HPSE2: variants seen among roughly 807,000 people sequenced by gnomAD.
HPSE2 encodes heparanase 2 (inactive).
Under a neutral mutation model 60.5 loss-of-function variants are expected in HPSE2, and 38 were observed. The ratio of observed to expected loss-of-function variants is 0.63; its 90% CI spans 0.48 to 0.82. The LOEUF is 0.82. Ranked by LOEUF, HPSE2 falls within the 40% of genes least tolerant of loss-of-function variation. The pLI, the probability that HPSE2 is intolerant of heterozygous loss-of-function variation, is 0.00. For synonymous variants in HPSE2, 295 were observed against 293.2 expected, an observed-to-expected ratio of 1.01 and a Z score of -0.06; for missense variants, 713 against 740.4, an observed-to-expected ratio of 0.96 and a Z score of 0.43.
chr10:99,132,207 G>GAAAGAAAGAAAGGA (rs1564832958), intron 3 of HPSE2, among the ~76,000 whole-genome samples: 1 of 16,650 alleles, frequency 6.0e-5, no homozygotes, highest in Admixed American at 8.5e-4. Flanking sequence ...GAGAGAGAGA[G>GAAAGAAAGAAAGGA]AGAGAGAGAG....
rs547872092 is a variant in HPSE2, at chr10:99,115,247, G to A, written c.610+28991C>T. Among the ~76,000 whole-genome samples the A allele has an allele frequency of 1.1e-4, 16 of 149,654 alleles. No homozygotes were observed. In the South Asian group the frequency reaches 1.3e-3, roughly 12 times the overall value. On this transcript the variant is annotated intron_variant, in intron 3 of 11. Coordinates refer to ENST00000370552, the MANE Select transcript of HPSE2 (RefSeq NM_021828.5). ...GGCTCACTGCAAGCTCTTGCTTCCC[G>A]GGTTCACCCCATTCTCCTGCCTCAG...
chr10:98,942,747 C>G (rs1415643742), intron 3 of HPSE2, among the ~76,000 whole-genome samples: 1 of 151,998 alleles, frequency 6.6e-6, no homozygotes, highest in Non-Finnish European at 1.5e-5. Context: ...ACCCAAAGGA[C>G]TATAAATCAT....
intron 3 of HPSE2, among the ~76,000 whole-genome samples, chr10:98,967,680 GA>G (rs576471164): frequency 2.1e-4 from 31 of 150,496 alleles, no homozygotes; most frequent in South Asian, 1.1e-3. Flanking sequence ...GCTTAGTTTG[GA>G]AAAAAAAATA....
intron 4 of HPSE2, among the ~76,000 whole-genome samples, chr10:98,733,569 T>A (rs17110762): frequency 6.6e-6 from 1 of 152,214 alleles, no homozygotes; most frequent in South Asian, 2.1e-4. Flanking sequence ...TGGTACTTAC[T>A]GCTGCCTTTA....
At chr10:98,463,726 G>A (rs547512604) in intron 11 of HPSE2, among the ~76,000 whole-genome samples, 2 of 152,158 alleles carry the variant, frequency 1.3e-5, no homozygotes, top group African/African-American at 4.8e-5. Context: ...GATTGCTTGA[G>A]CCCAGGACAT....
At chr10:99,049,563 G>A (rs1464227599) in intron 3 of HPSE2, among the ~76,000 whole-genome samples, 1 of 151,876 alleles carries the variant, frequency 6.6e-6, no homozygotes, top group Admixed American at 6.6e-5. Flanking sequence ...ATAATTAAAG[G>A]CTAGCTTCTA....
intron 3 of HPSE2, among the ~76,000 whole-genome samples, chr10:98,801,441 T>C (rs1391678315): frequency 6.6e-6 from 1 of 152,108 alleles, no homozygotes; most frequent in Admixed American, 6.5e-5. Context: ...GATTATATGA[T>C]CTTACATTTG....
intron 9 of HPSE2, among the ~76,000 whole-genome samples, chr10:98,603,688 A>G (rs1316679900): frequency 6.6e-6 from 1 of 152,100 alleles, no homozygotes; most frequent in Non-Finnish European, 1.5e-5. Flanking sequence ...TTGGCCTCCC[A>G]AAGTGCTGGG....
chr10:99,037,734 TTAATTCAATAA>T (rs964832972), intron 3 of HPSE2, among the ~76,000 whole-genome samples: 6 of 151,952 alleles, frequency 3.9e-5, no homozygotes, highest in Non-Finnish European at 7.4e-5. Context: ...AGGGAAATGA[TTAATTCAATAA>T]TACCTTGCCT....
intron 3 of HPSE2, among the ~76,000 whole-genome samples, chr10:98,824,072 ACT>A (rs1951485499): frequency 6.6e-6 from 1 of 152,222 alleles, no homozygotes. Flanking sequence ...CTTTAAAATA[ACT>A]CACAGGTCAA....
At chr10:98,948,536 A>G (rs1029022935) in intron 3 of HPSE2, among the ~76,000 whole-genome samples, 1 of 152,184 alleles carries the variant, frequency 6.6e-6, no homozygotes, top group Non-Finnish European at 1.5e-5. Flanking sequence ...TTCCTTTACA[A>G]CATGGATCCT....
chr10:98,635,497 G>A (rs553947530), intron 7 of HPSE2, among the ~76,000 whole-genome samples: 4 of 152,286 alleles, frequency 2.6e-5, no homozygotes, highest in South Asian at 2.1e-4. Context: ...ACAGATGAAC[G>A]GAGCCAGGTG....
chr10:99,141,286 A>G (rs1453047898), intron 3 of HPSE2, among the ~76,000 whole-genome samples: 2 of 152,150 alleles, frequency 1.3e-5, no homozygotes, highest in African/African-American at 4.8e-5. Context: ...TAGGTGAGTC[A>G]GTGGGAAAAG....
intron 3 of HPSE2, among the ~76,000 whole-genome samples, chr10:98,763,180 T>C (rs1950045018): frequency 6.6e-6 from 1 of 151,846 alleles, no homozygotes; most frequent in African/African-American, 2.4e-5. Flanking sequence ...ATGAACATAG[T>C]CTCAGTGAAC....
chr10:99,181,800 C>G (rs1364376880), intron 2 of HPSE2, among the ~76,000 whole-genome samples: 1 of 152,036 alleles, frequency 6.6e-6, no homozygotes, highest in Admixed American at 6.6e-5. Flanking sequence ...ATGGGTGCAG[C>G]AAACCACCAT....
chr10:98,520,459 T>C (rs1942751931), intron 9 of HPSE2, among the ~76,000 whole-genome samples: 1 of 152,146 alleles, frequency 6.6e-6, no homozygotes, highest in Admixed American at 6.6e-5. Context: ...TTTCACGTTT[T>C]TAAGCGTAGA....
intron 3 of HPSE2, among the ~76,000 whole-genome samples, chr10:98,854,463 CT>C (rs1407442798): frequency 6.6e-6 from 1 of 152,202 alleles, no homozygotes; most frequent in Non-Finnish European, 1.5e-5. Context: ...AACTTTTCAA[CT>C]TCTCATTTAG....
intron 4 of HPSE2, among the ~76,000 whole-genome samples, chr10:98,743,422 C>A (rs1315781516): frequency 1.3e-5 from 2 of 152,200 alleles, no homozygotes; most frequent in African/African-American, 4.8e-5. Flanking sequence ...CTTTTATATA[C>A]TAATGTGCAC....
intron 4 of HPSE2, among the ~76,000 whole-genome samples, chr10:98,732,769 TA>T (rs1192456382): frequency 1.3e-5 from 2 of 152,122 alleles, no homozygotes; most frequent in African/African-American, 4.8e-5. Context: ...TAAAACCTCA[TA>T]AATTGAACTT....
Sources: allele counts gnomAD v4.1 joint callset (sites outside exome capture counted in the v4.1 genomes callset), GRCh38; gene constraint gnomAD v4.1.1; transcripts MANE v1.5; gene names NCBI Gene and HGNC (gene_info 2026-07-23, HGNC 2026-07-21).